TBL1Y: variants seen among roughly 807,000 people sequenced by gnomAD.
TBL1Y encodes the protein F-box-like/WD repeat-containing protein TBL1Y.
In TBL1Y, 15 loss-of-function variants were observed where a neutral mutation model predicts 12.0. The ratio of observed to expected loss-of-function variants is 1.25; its 90% CI spans 0.83 to 1.92. The LOEUF is 1.92. Ranked by LOEUF, TBL1Y falls within the 40% of genes most tolerant of loss-of-function variation. TBL1Y has a pLI of 0.00. For missense variants in TBL1Y, 148 were observed against 116.7 expected, an observed-to-expected ratio of 1.27 and a Z score of -1.24; for synonymous variants, 53 against 42.6, an observed-to-expected ratio of 1.24 and a Z score of -0.95.
intron 6 of TBL1Y, among the ~76,000 whole-genome samples, chrY:7,028,069 A>C (rs2124154719): frequency 5.9e-5 from 2 of 33,708 alleles, no homozygotes; most frequent in Admixed American, 2.7e-4. Context: ...CCTGCAGTGC[A>C]GCTGGGCAGG....
chrY:7,063,918 C>T lies in TBL1Y; in HGVS notation c.226C>T (p.Arg76Cys). The T allele has an allele frequency of 2.5e-6, 1 of 397,717 alleles. No individual in the cohort carries two copies. The highest frequency in any genetic ancestry group is 3.5e-6 in the Non-Finnish European group (1 of 283,238). Residue 76 changes from arginine (R) to cysteine (C), a missense_variant, in exon 8 of 19, where the codon CGC becomes TGC. Coordinates refer to ENST00000383032, the MANE Select transcript of TBL1Y (RefSeq NM_033284.2). Reference protein sequence around the residue: ...INKDGTVFDSRPIESLSLIVA... With the variant: ...INKDGTVFDSCPIESLSLIVA... ...CCAGGATGGCACAGTGTTCGACAGC[C>T]GCCCTATAGAGTCCCTGTCCCTGAT...
intron 2 of TBL1Y, among the ~76,000 whole-genome samples, chrY:6,975,698 C>T: frequency 3.0e-5 from 1 of 32,850 alleles, no homozygotes; most frequent in Admixed American, 2.8e-4. Context: ...GTCTTAAAAG[C>T]AGCCGAATTT....
chrY:6,984,519 T>A, intron 3 of TBL1Y, among the ~76,000 whole-genome samples: 1 of 33,326 alleles, frequency 3.0e-5, no homozygotes, highest in African/African-American at 1.2e-4. Context: ...GGGCACTCTG[T>A]TCTGACCACC....
chrY:7,070,158 T>C (rs2013013062), intron 8 of TBL1Y, 38 bp from the exon 9 acceptor site: 2 of 390,193 alleles, frequency 5.1e-6, no homozygotes. Context: ...TCCTCTTGTA[T>C]TGGTAAGCCA....
chrY:7,077,927 T>C (rs778089283), intron 13 of TBL1Y, among the ~76,000 whole-genome samples: 1 of 33,597 alleles, frequency 3.0e-5, no homozygotes, highest in South Asian at 6.9e-4. Flanking sequence ...CTCAGCACTT[T>C]AGGACATCAG....
At chrY:6,998,591 TA>T (rs2012425481) in intron 4 of TBL1Y, among the ~76,000 whole-genome samples, 2 of 26,919 alleles carry the variant, frequency 7.4e-5, no homozygotes, top group African/African-American at 2.9e-4. Context: ...TCCCAAAAAT[TA>T]AAAAAAAAAA....
intron 6 of TBL1Y, among the ~76,000 whole-genome samples, chrY:7,038,773 A>G: frequency 3.0e-5 from 1 of 33,349 alleles, no homozygotes. Flanking sequence ...CCCTCACACT[A>G]TCTTTCATTG....
chrY:7,064,376 G>C (rs999673229), intron 8 of TBL1Y, among the ~76,000 whole-genome samples: 2 of 33,191 alleles, frequency 6.0e-5, no homozygotes, highest in South Asian at 6.9e-4. Context: ...TCAGGAAATT[G>C]TGTGCACTGC....
At chrY:6,934,089 G>GA (rs2011885111) in intron 2 of TBL1Y, among the ~76,000 whole-genome samples, 30 of 27,707 alleles carry the variant, frequency 1.1e-3, no homozygotes, top group Admixed American at 1.6e-3. Flanking sequence ...AGTTTTGAAG[G>GA]AAAAAAAAAA....
At chrY:7,084,510 G>T (rs1026399373) in intron 14 of TBL1Y, among the ~76,000 whole-genome samples, 3 of 33,724 alleles carry the variant, frequency 8.9e-5, no homozygotes, top group Admixed American at 8.0e-4. Context: ...GGATGGTCTT[G>T]ATCTCTTGAC....
Position 6,912,141 on chromosome Y carries a change from G to C in TBL1Y, c.-297G>C. 1 of 34,209 alleles carries C rather than the reference G, an allele frequency of 2.9e-5. No individual in the cohort carries two copies. Among genetic ancestry groups the C allele is most frequent in the African/African-American group, 1.1e-4 (1 of 8,740 alleles). The allele number at this position is 34,209 out of a possible 400,897, so 8.5% of individuals were successfully genotyped here. A position where few individuals can be genotyped will look rare whatever the true frequency, so the allele number is the denominator to read the frequency against. On this transcript the variant is annotated 5_prime_UTR_variant, in exon 2 of 19. Coordinates refer to ENST00000383032, the MANE Select transcript of TBL1Y (RefSeq NM_033284.2). ...CCCTGGTTCAGCCTGGAAGGCGAGG[G>C]GCAGGACTCCCCAGACAGTGGCCTC...
At chrY:7,022,557 CTCTT>C (rs2012589194) in intron 5 of TBL1Y, among the ~76,000 whole-genome samples, 1 of 33,239 alleles carries the variant, frequency 3.0e-5, no homozygotes, top group Non-Finnish European at 7.4e-5. Context: ...TTTTGATTGG[CTCTT>C]TCATTCAGTA....
At chrY:6,952,305 G>A in intron 2 of TBL1Y, among the ~76,000 whole-genome samples, 1 of 32,751 alleles carries the variant, frequency 3.1e-5, no homozygotes, top group African/African-American at 1.2e-4. Flanking sequence ...TATTGTATGG[G>A]AGTCTAAGTC....
intron 2 of TBL1Y, among the ~76,000 whole-genome samples, chrY:6,962,500 A>G: frequency 3.0e-5 from 1 of 33,743 alleles, no homozygotes; most frequent in Non-Finnish European, 7.3e-5. Context: ...GCAGTATCTG[A>G]AACAATGTTA....
intron 2 of TBL1Y, chrY:6,918,880 T>G: frequency 3.6e-5 from 1 of 27,888 alleles, no homozygotes; most frequent in Non-Finnish European, 8.6e-5. Context: ...ATTTTTTTTT[T>G]TTTTTTTGAG....
chrY:7,017,774 C>A, intron 4 of TBL1Y, among the ~76,000 whole-genome samples: 1 of 33,633 alleles, frequency 3.0e-5, no homozygotes. Context: ...TTTGGCTAGA[C>A]CTTTGTAACT....
At chrY:7,087,472 GC>G (rs2013147689) in intron 17 of TBL1Y, 40 bp downstream of exon 17, 1 of 372,737 alleles carries the variant, frequency 2.7e-6, no homozygotes, top group Non-Finnish European at 3.8e-6. Flanking sequence ...AGTAAGGGAT[GC>G]CTGAACAGCC....
chrY:7,014,574 G>A, intron 4 of TBL1Y, among the ~76,000 whole-genome samples: 1 of 32,479 alleles, frequency 3.1e-5, no homozygotes, highest in Non-Finnish European at 7.5e-5. Context: ...TTTTTTCTTG[G>A]TTATAGTTTT....
intron 14 of TBL1Y, 139 bp downstream of exon 14, chrY:7,080,992 C>A: frequency 3.6e-4 from 92 of 255,153 alleles, no homozygotes; most frequent in South Asian, 3.4e-3. Context: ...GCTATAGTGG[C>A]CAATTCAGGT....
Sources: gnomAD v4.1 joint callset for allele counts (sites outside exome capture counted in the v4.1 genomes callset) on GRCh38, gnomAD v4.1.1 for gene constraint, MANE v1.5 for transcripts, NCBI Gene and HGNC (gene_info 2026-07-23, HGNC 2026-07-21) for gene names.